Variants in ABCC11 observed in about 807,000 individuals in gnomAD.
ABCC11 encodes the protein ATP binding cassette subfamily C member 11, also known as ATP-binding cassette sub-family C member 11.
In ABCC11, 135 loss-of-function variants were observed where a neutral mutation model predicts 149.3. The observed-to-expected ratio is 0.90, with a 90% CI of 0.79 to 1.04. The LOEUF is 1.04. ABCC11 is among the 50% of genes least tolerant of loss of function. ABCC11 has a pLI of 0.00. For synonymous variants in ABCC11, 665 were observed against 671.4 expected, an observed-to-expected ratio of 0.99 and a Z score of 0.15; for missense variants, 1,680 against 1,722.1, an observed-to-expected ratio of 0.98 and a Z score of 0.43.
intron 22 of ABCC11, among the ~76,000 whole-genome samples, chr16:48,186,240 G>C (rs934159626): frequency 6.6e-6 from 1 of 152,072 alleles, no homozygotes; most frequent in African/African-American, 2.4e-5. Flanking sequence ...AGGCTTCAAG[G>C]CCAGCTCAGA....
At chr16:48,225,179 C>G (rs1969994517) in intron 4 of ABCC11, among the ~76,000 whole-genome samples, 1 of 152,116 alleles carries the variant, frequency 6.6e-6, no homozygotes, top group Non-Finnish European at 1.5e-5. Flanking sequence ...CGCCACTGCA[C>G]TCCAGCCTGG....
chr16:48,223,035 C>A (rs1383983491), intron 5 of ABCC11, among the ~76,000 whole-genome samples: 3 of 152,198 alleles, frequency 2.0e-5, no homozygotes, highest in African/African-American at 7.2e-5. Context: ...AGTTCTGCAA[C>A]CTTAGGTGGC....
rs373645525 is a variant in ABCC11 at position 48,200,500 on chromosome 16, G to T, written c.1879-21C>A. ...CCAATCTGCAGACAGGCAGTAAAAG[G>T]CACCATGTCCAGACAGCAAGCACAG... On this transcript the variant is annotated intron_variant, in intron 14 of 29. Transcript: ENST00000356608. 6 of 1,611,468 alleles carry T rather than the reference G, an allele frequency of 3.7e-6. No individual in the cohort carries two copies. The African/African-American group carries it at 5.3e-5, about 14-fold the overall frequency.
chr16:48,231,991 G>T, intron 1 of ABCC11, 52 bp from the exon 2 acceptor site: 2 of 1,608,010 alleles, frequency 1.2e-6, no homozygotes, highest in South Asian at 2.2e-5. Flanking sequence ...GTTAGAAGAA[G>T]CTTAGATCTC....
Position 48,222,617 on chromosome 16 carries a change from A to G in ABCC11, c.758T>C (p.Ile253Thr), listed in dbSNP as rs761267938. 6.2e-7 allele frequency: 1 copy of G among 1,614,128 alleles called. No homozygotes were observed. Among genetic ancestry groups the G allele is most frequent in the Non-Finnish European group, 8.5e-7 (1 of 1,179,980 alleles). The stretch of plus-strand genomic sequence containing the variant: ...GCTTACCTCTCCTGAGGTGATGTGT[A>G]TTACAGACTTAAATTGGATGAGCTT... ...FEKLIQFKSVIHITSGEAISF... is the reference protein window; with the variant it reads ...FEKLIQFKSVTHITSGEAISF... Residue 253 changes from isoleucine (I) to threonine (T), a missense_variant, in exon 6 of 30, where the codon ATA becomes ACA. Transcript: ENST00000356608.
chr16:48,210,741 A>G, intron 11 of ABCC11: 2 of 771,524 alleles, frequency 2.6e-6, no homozygotes, highest in Non-Finnish European at 2.0e-6. Flanking sequence ...ACCTAAGCCA[A>G]AAAAATTTTA....
At chr16:48,225,665 T>C (rs1970027060) in intron 4 of ABCC11, among the ~76,000 whole-genome samples, 1 of 152,180 alleles carries the variant, frequency 6.6e-6, no homozygotes, top group East Asian at 1.9e-4. Context: ...AGGAACCACA[T>C]GATGTCTGGT....
intron 23 of ABCC11, among the ~76,000 whole-genome samples, chr16:48,182,764 C>G (rs1966523255): frequency 7.1e-6 from 1 of 140,236 alleles, no homozygotes; most frequent in Admixed American, 7.4e-5. Context: ...GCCTGGGCAA[C>G]AGAGCAAGAC....
At chr16:48,244,666 C>G in intron 1 of ABCC11, 1 of 1,279,502 alleles carries the variant, frequency 7.8e-7, no homozygotes, top group Non-Finnish European at 1.0e-6. Flanking sequence ...GCGCGGCCTC[C>G]TCCGGGGACC....
intron 1 of ABCC11, among the ~76,000 whole-genome samples, chr16:48,243,293 T>G (rs1362445471): frequency 6.6e-6 from 1 of 150,576 alleles, no homozygotes; most frequent in Non-Finnish European, 1.5e-5. Flanking sequence ...CCCCAGCTAC[T>G]CGGGAGGCTG....
At chr16:48,223,924 T>C (rs1969909950) in intron 5 of ABCC11, among the ~76,000 whole-genome samples, 1 of 152,212 alleles carries the variant, frequency 6.6e-6, no homozygotes, top group African/African-American at 2.4e-5. Flanking sequence ...TGTTACCCTA[T>C]GAGGCAGCTC....
intron 10 of ABCC11, among the ~76,000 whole-genome samples, chr16:48,211,714 A>G (rs1401306369): frequency 1.6e-4 from 25 of 152,136 alleles, no homozygotes. Flanking sequence ...AGCTATTGAA[A>G]ATAAAAAGCT....
intron 4 of ABCC11, among the ~76,000 whole-genome samples, chr16:48,226,138 G>T (rs947267252): frequency 5.9e-5 from 9 of 151,416 alleles, no homozygotes; most frequent in Non-Finnish European, 1.3e-4. Flanking sequence ...GTGCAGTGGC[G>T]CAATCTTGGC....
chr16:48,205,504 C>T lies in ABCC11; in HGVS notation c.1714G>A (p.Gly572Arg), dbSNP rs1361889055. The change falls in exon 13 of 30, where the codon GGA (glycine) becomes AGA (arginine). Residue 572 changes from glycine (G) to arginine (R), a missense_variant. Coordinates refer to ENST00000356608, the MANE Select transcript of ABCC11 (RefSeq NM_001370497.1). ...TGCTGGGGGACATAGGCCAGGCTTC[C>T]CTGCACCCCCACCGAGCCCTCGAGC... is the stretch of plus-strand genomic sequence containing the variant. The part of the protein sequence containing the change: ...HLLEGSVGVQ[G>R]SLAYVPQQAW... 1.2e-6 allele frequency: 2 copies of T among 1,614,118 alleles called. No individual in the cohort carries two copies. Among genetic ancestry groups the T allele is most frequent in the Admixed American group, 3.3e-5 (2 of 60,024 alleles).
intron 9 of ABCC11, 60 bp downstream of exon 9, chr16:48,214,821 G>C (rs41282047): frequency 0.058 from 93,522 of 1,600,520 alleles, 3,227 homozygotes; most frequent in Middle Eastern, 0.13. Context: ...GGCTAAAAAA[G>C]GACACGTGAG....
chr16:48,166,090 A>C lies in ABCC11; in HGVS notation c.*1184T>G, dbSNP rs138115873. 0.018 allele frequency among the ~76,000 whole-genome samples: 2,732 copies of C among 152,308 alleles called. 102 individuals carry two copies. Among genetic ancestry groups the C allele is most frequent in the African/African-American group, 0.064 (2,639 of 41,550 alleles). On this transcript the variant is annotated 3_prime_UTR_variant, in exon 30 of 30. Coordinates refer to ENST00000356608, the MANE Select transcript of ABCC11 (RefSeq NM_001370497.1). ...ATCCATATCCATTCTTCCCTCAGGCACAATTTTACTTTGGTGAAACAACCT... is the reference window on the plus strand; with the variant it reads ...ATCCATATCCATTCTTCCCTCAGGCCCAATTTTACTTTGGTGAAACAACCT...
At chr16:48,185,995 C>A (rs1272569093) in intron 22 of ABCC11, among the ~76,000 whole-genome samples, 2 of 152,168 alleles carry the variant, frequency 1.3e-5, no homozygotes, top group Non-Finnish European at 2.9e-5. Context: ...CCTTCCCCAA[C>A]AACAGCTCCA....
intron 8 of ABCC11, 38 bp downstream of exon 8, chr16:48,215,159 A>G (rs778836253): frequency 6.3e-7 from 1 of 1,599,070 alleles, no homozygotes; most frequent in East Asian, 2.2e-5. Flanking sequence ...TTACCATGCC[A>G]TCACCAGGTT....
chr16:48,241,789 TG>T (rs1348910552), intron 1 of ABCC11, among the ~76,000 whole-genome samples: 1 of 152,062 alleles, frequency 6.6e-6, no homozygotes, highest in Non-Finnish European at 1.5e-5. Context: ...AAACAAGAAA[TG>T]GGGAAAGGAT....
Sources: allele counts gnomAD v4.1 joint callset (sites outside exome capture counted in the v4.1 genomes callset), GRCh38; gene constraint gnomAD v4.1.1; transcripts MANE v1.5; gene names NCBI Gene and HGNC (gene_info 2026-07-23, HGNC 2026-07-21).